BRINP3: variants seen among roughly 807,000 people sequenced by gnomAD.
BRINP3 encodes BMP/retinoic acid inducible neural specific 3.
A neutral mutation model predicts 71.0 loss-of-function variants in BRINP3; 19 were observed. The observed-to-expected ratio is 0.27, with a 90% confidence interval of 0.19 to 0.39. BRINP3 has a LOEUF of 0.39. Among genes scored for constraint, BRINP3 ranks in the 10% least tolerant of loss-of-function variants. BRINP3 has a pLI of 1.00. For synonymous variants in BRINP3, 380 were observed against 337.7 expected (o/e 1.13, Z -1.37); for missense variants, 959 against 940.8 (o/e 1.02, Z -0.25).
At chr1:190,277,793 T>A (rs1662714321) in intron 3 of BRINP3, among the ~76,000 whole-genome samples, 1 of 151,896 alleles carries the variant, frequency 6.6e-6, no homozygotes, top group African/African-American at 2.4e-5. Context: ...AAGTGCAGTC[T>A]TTTTCAAGAT....
intron 3 of BRINP3, among the ~76,000 whole-genome samples, chr1:190,268,263 T>C (rs1243909861): frequency 6.6e-6 from 1 of 152,174 alleles, no homozygotes; most frequent in Non-Finnish European, 1.5e-5. Context: ...AATCAATGAA[T>C]AACAATGTTT....
intron 2 of BRINP3, among the ~76,000 whole-genome samples, chr1:190,413,311 C>A (rs1345181505): frequency 1.3e-5 from 2 of 152,024 alleles, no homozygotes. Context: ...TATGCATGTG[C>A]AAAATATCAT....
At chr1:190,328,751 T>G (rs1336967481) in intron 2 of BRINP3, among the ~76,000 whole-genome samples, 2 of 150,984 alleles carry the variant, frequency 1.3e-5, no homozygotes, top group Non-Finnish European at 3.0e-5. Flanking sequence ...AGGCCAATAT[T>G]CCTGATGAAC....
intron 3 of BRINP3, among the ~76,000 whole-genome samples, chr1:190,279,616 T>C (rs1662884075): frequency 6.6e-6 from 1 of 151,822 alleles, no homozygotes. Context: ...GACTTTTCCA[T>C]CTGCCTTAGC....
chr1:190,235,940 G>A (rs984949940), intron 4 of BRINP3, among the ~76,000 whole-genome samples: 1 of 151,802 alleles, frequency 6.6e-6, no homozygotes, highest in African/African-American at 2.4e-5. Flanking sequence ...TAAAAATGCG[G>A]GAGTTTTTGT....
At chr1:190,381,023 T>C (rs1190429700) in intron 2 of BRINP3, among the ~76,000 whole-genome samples, 2 of 152,084 alleles carry the variant, frequency 1.3e-5, no homozygotes, top group South Asian at 2.1e-4. Context: ...ACTAGATGAC[T>C]TCTTCAAGGT....
chr1:190,400,142 AC>A (rs1213301912), intron 2 of BRINP3, among the ~76,000 whole-genome samples: 3 of 152,136 alleles, frequency 2.0e-5, no homozygotes, highest in African/African-American at 7.2e-5. Flanking sequence ...ACCTGATATG[AC>A]ATAGAAATGA....
At chr1:190,297,211 A>C (rs1664315692) in intron 2 of BRINP3, among the ~76,000 whole-genome samples, 1 of 152,134 alleles carries the variant, frequency 6.6e-6, no homozygotes, top group Non-Finnish European at 1.5e-5. Context: ...AAGACACATA[A>C]TAGAGAGGCC....
At chr1:190,301,188 T>A (rs1311362417) in intron 2 of BRINP3, among the ~76,000 whole-genome samples, 1 of 57,488 alleles carries the variant, frequency 1.7e-5, no homozygotes, top group Non-Finnish European at 4.0e-5. Flanking sequence ...TATATATATG[T>A]ATATATATAC....
intron 7 of BRINP3, among the ~76,000 whole-genome samples, chr1:190,126,392 C>T (rs1393810966): frequency 6.6e-6 from 1 of 151,886 alleles, no homozygotes; most frequent in African/African-American, 2.4e-5. Flanking sequence ...TCCCACTTGA[C>T]CTCCACCATG....
chr1:190,324,233 G>A lies in BRINP3; in HGVS notation c.237-42483C>T, dbSNP rs572341622. ...AGCTATACAACGTGTGTGTTGTCTC[G>A]GAACACGAAAGCTCAATGAGAAAGA... On this transcript the variant is annotated intron_variant, in intron 2 of 7. Coordinates refer to ENST00000367462, the MANE Select transcript of BRINP3 (RefSeq NM_199051.3). Among the ~76,000 whole-genome samples, 31 of 151,542 alleles carry A rather than the reference G, an allele frequency of 2.0e-4. No individual in the cohort carries two copies. In the South Asian group the frequency reaches 5.2e-3, roughly 25 times the overall value.
At chr1:190,189,092 G>T (rs934865202) in intron 6 of BRINP3, among the ~76,000 whole-genome samples, 8 of 152,018 alleles carry the variant, frequency 5.3e-5, no homozygotes, top group Non-Finnish European at 1.0e-4. Context: ...CAGAAATACT[G>T]GCCTATAATT....
intron 2 of BRINP3, among the ~76,000 whole-genome samples, chr1:190,348,136 A>G (rs1174706734): frequency 2.0e-5 from 3 of 152,160 alleles, no homozygotes; most frequent in African/African-American, 4.8e-5. Context: ...TTCAACAGAT[A>G]AAACAGAAGT....
intron 7 of BRINP3, among the ~76,000 whole-genome samples, chr1:190,145,892 G>A (rs935547519): frequency 3.3e-5 from 5 of 152,162 alleles, no homozygotes; most frequent in African/African-American, 4.8e-5. Flanking sequence ...ATAGAATAAT[G>A]TCTTTTGCAG....
chr1:190,110,397 G>A (rs1652561589), intron 7 of BRINP3, among the ~76,000 whole-genome samples: 1 of 152,124 alleles, frequency 6.6e-6, no homozygotes, highest in Non-Finnish European at 1.5e-5. Context: ...TCTAAGATGA[G>A]AGTTGTCTGA....
chr1:190,468,986 C>T (rs1031421014), intron 1 of BRINP3, among the ~76,000 whole-genome samples: 1 of 150,716 alleles, frequency 6.6e-6, no homozygotes. Context: ...TTGAGTTACT[C>T]CAAATTACCT....
chr1:190,197,794 G>A (rs555612879), intron 6 of BRINP3, among the ~76,000 whole-genome samples: 9 of 152,196 alleles, frequency 5.9e-5, no homozygotes, highest in Non-Finnish European at 4.4e-5. Flanking sequence ...GCAAGCTGTT[G>A]GTGGGTCTAC....
intron 4 of BRINP3, among the ~76,000 whole-genome samples, chr1:190,259,415 C>T (rs1660968321): frequency 6.6e-6 from 1 of 151,046 alleles, no homozygotes; most frequent in African/African-American, 2.4e-5. Flanking sequence ...ACATAAAATG[C>T]ATTTGACAAA....
chr1:190,304,977 G>T (rs1664993934), intron 2 of BRINP3, among the ~76,000 whole-genome samples: 1 of 151,814 alleles, frequency 6.6e-6, no homozygotes. Context: ...TTTCTCAAAA[G>T]AAGACATACA....
Sources: gnomAD v4.1 joint callset for allele counts (sites outside exome capture counted in the v4.1 genomes callset) on GRCh38, gnomAD v4.1.1 for gene constraint, MANE v1.5 for transcripts, NCBI Gene and HGNC (gene_info 2026-07-23, HGNC 2026-07-21) for gene names.